B3GAT2: variants seen among roughly 807,000 people sequenced by gnomAD.
B3GAT2 encodes galactosylgalactosylxylosylprotein 3-beta-glucuronosyltransferase 2.
B3GAT2 carries 26 observed loss-of-function variants against 27.8 expected under a neutral mutation model. That is an observed-to-expected ratio of 0.93 (90% CI 0.68 to 1.30). The LOEUF (loss-of-function observed/expected upper bound fraction) is 1.30, where lower values mean the gene tolerates loss of function less well. Ranked by LOEUF, B3GAT2 falls within the 50% of genes most tolerant of loss-of-function variation. The pLI is 0.00. For missense variants in B3GAT2, 458 were observed against 459.0 expected (o/e 1.00, Z 0.02); for synonymous variants, 218 against 195.1 (o/e 1.12, Z -0.98).
intron 1 of B3GAT2, among the ~76,000 whole-genome samples, chr6:70,936,080 A>C (rs1241443661): frequency 6.6e-6 from 1 of 151,638 alleles, no homozygotes; most frequent in African/African-American, 2.4e-5. Flanking sequence ...AATGGAAAAC[A>C]AAAAAAGGCA....
chr6:70,884,709 A>G (rs1425580028), intron 2 of B3GAT2, among the ~76,000 whole-genome samples: 1 of 152,258 alleles, frequency 6.6e-6, no homozygotes, highest in Non-Finnish European at 1.5e-5. Flanking sequence ...GAAATTAGCT[A>G]GGCAAACGTG....
chr6:70,883,189 C>G (rs1027292952), intron 2 of B3GAT2, among the ~76,000 whole-genome samples: 2 of 152,068 alleles, frequency 1.3e-5, no homozygotes, highest in Non-Finnish European at 2.9e-5. Context: ...AAAATTCAAA[C>G]AAAAAATTAC....
At chr6:70,923,206 T>G (rs1772900143) in intron 1 of B3GAT2, among the ~76,000 whole-genome samples, 1 of 152,324 alleles carries the variant, frequency 6.6e-6, no homozygotes, top group African/African-American at 2.4e-5. Context: ...GGAAACTCTT[T>G]TCTTATATGT....
Position 70,910,586 on chromosome 6 carries a change from T to G in B3GAT2, c.592-16314A>C, listed in dbSNP as rs186651371. 2.4e-3 allele frequency among the ~76,000 whole-genome samples: 360 copies of G among 152,292 alleles called. 1 individual carries two copies. The highest frequency in any genetic ancestry group is 3.7e-3 in the Non-Finnish European group (252 of 68,024). On this transcript the variant is annotated intron_variant, in intron 1 of 3. Transcript: ENST00000230053. ...TATCCAATCTACCAGTGATGGAAAT[T>G]TAAGTTGGTTCCATGTCTTTCCTAC...
At chr6:70,938,373 T>G (rs1765331814) in intron 1 of B3GAT2, among the ~76,000 whole-genome samples, 2 of 150,460 alleles carry the variant, frequency 1.3e-5, no homozygotes, top group South Asian at 4.2e-4. Context: ...AAGCTACCAA[T>G]GACTTTCTTC....
chr6:70,928,374 C>T (rs1162850847), intron 1 of B3GAT2, among the ~76,000 whole-genome samples: 1 of 150,482 alleles, frequency 6.6e-6, no homozygotes, highest in Non-Finnish European at 1.5e-5. Flanking sequence ...AAAAAAAAAA[C>T]TTCAAAAAAT....
rs565764219 is a variant in B3GAT2 at position 70,907,770 on chromosome 6, A to C, written c.592-13498T>G. On this transcript the variant is annotated intron_variant, in intron 1 of 3. Transcript: ENST00000230053. ...TATAAAGCGACATATCTGAGTCACT[A>C]ACTGCCCAGGAGAGTCACCAACCCC... is the stretch of plus-strand genomic sequence containing the variant. 2.6e-5 allele frequency among the ~76,000 whole-genome samples: 4 copies of C among 152,354 alleles called. No individual in the cohort carries two copies. In the East Asian group the frequency reaches 7.7e-4, roughly 29 times the overall value.
chr6:70,937,676 G>C (rs1229916962), intron 1 of B3GAT2, among the ~76,000 whole-genome samples: 2 of 151,772 alleles, frequency 1.3e-5, no homozygotes, highest in African/African-American at 4.8e-5. Context: ...AATAGATGCA[G>C]AAAAGGCCTT....
chr6:70,904,870 C>G (rs540024077), intron 1 of B3GAT2, among the ~76,000 whole-genome samples: 16 of 152,106 alleles, frequency 1.1e-4, no homozygotes, highest in Non-Finnish European at 2.2e-4. Flanking sequence ...AATGTGCCTT[C>G]ACAATAAGAG....
chr6:70,865,124 T>C (rs1385463792), intron 2 of B3GAT2, among the ~76,000 whole-genome samples: 2 of 151,974 alleles, frequency 1.3e-5, no homozygotes, highest in East Asian at 3.9e-4. Context: ...CAACAAGAAA[T>C]AATAGGGCTT....
chr6:70,876,267 A>G (rs1220644748), intron 2 of B3GAT2, among the ~76,000 whole-genome samples: 3 of 152,230 alleles, frequency 2.0e-5, no homozygotes, highest in Non-Finnish European at 4.4e-5. Flanking sequence ...TTTAAATGGT[A>G]GCTCTTCAGG....
intron 1 of B3GAT2, among the ~76,000 whole-genome samples, chr6:70,910,040 ATTTTTTGTAT>A (rs60551979): frequency 0.22 from 33,263 of 151,684 alleles, 3,843 homozygotes; most frequent in Non-Finnish European, 0.26. Flanking sequence ...CACCCGGCTA[ATTTTTTGTAT>A]TTTTAGTAGA....
intron 2 of B3GAT2, among the ~76,000 whole-genome samples, chr6:70,875,358 T>C (rs1771999146): frequency 1.3e-5 from 2 of 152,178 alleles, no homozygotes; most frequent in African/African-American, 4.8e-5. Context: ...GTAAAATTGA[T>C]TTAGGAATCA....
At chr6:70,930,984 C>T (rs541693726) in intron 1 of B3GAT2, among the ~76,000 whole-genome samples, 2 of 152,256 alleles carry the variant, frequency 1.3e-5, no homozygotes, top group South Asian at 4.1e-4. Context: ...CACATATGCA[C>T]CATGGAATAC....
rs151235189 is a variant in B3GAT2 at position 70,925,037 on chromosome 6, G to A, written c.592-30765C>T. Among the ~76,000 whole-genome samples the A allele has an allele frequency of 1.1e-3, 163 of 152,256 alleles. 5 individuals carry two copies. The East Asian group carries it at 0.023, about 21-fold the overall frequency. ...CACCTGACCTGCCAACCAGTCCTGC[G>A]GCCTTCGCCCAGAAGTGGACTCAGC... On this transcript the variant is annotated intron_variant, in intron 1 of 3. Transcript: ENST00000230053.
At chr6:70,880,014 G>T (rs1258632234) in intron 2 of B3GAT2, among the ~76,000 whole-genome samples, 1 of 140,068 alleles carries the variant, frequency 7.1e-6, no homozygotes, top group Non-Finnish European at 1.5e-5. Flanking sequence ...TATTATTGGG[G>T]ATAAGAAATG....
At chr6:70,903,310 A>G (rs1772539762) in intron 1 of B3GAT2, among the ~76,000 whole-genome samples, 1 of 152,058 alleles carries the variant, frequency 6.6e-6, no homozygotes, top group South Asian at 2.1e-4. Context: ...GGTAGGCAAA[A>G]CTTCCTTAAA....
rs1042764615 is a variant in B3GAT2, at chr6:70,937,472, T to C, written c.591+18367A>G. On this transcript the variant is annotated intron_variant, in intron 1 of 3. Transcript: ENST00000230053. ...CAAAAAAGAGAATTTTAGACCAATA[T>C]CCTTGATGAACATGGATGCAAAAAT... 2.6e-4 allele frequency among the ~76,000 whole-genome samples: 39 copies of C among 152,184 alleles called. 1 individual carries two copies. The Middle Eastern group carries it at 0.014, about 53-fold the overall frequency.
At chr6:70,949,120 A>T (rs1765538256) in intron 1 of B3GAT2, among the ~76,000 whole-genome samples, 1 of 152,142 alleles carries the variant, frequency 6.6e-6, no homozygotes, top group Admixed American at 6.5e-5. Flanking sequence ...AAACCTAGGC[A>T]TTACCATTCA....
Sources: gnomAD v4.1 joint callset for allele counts (sites outside exome capture counted in the v4.1 genomes callset) on GRCh38, gnomAD v4.1.1 for gene constraint, MANE v1.5 for transcripts, NCBI Gene and HGNC (gene_info 2026-07-23, HGNC 2026-07-21) for gene names.